Variants in MICAL3 observed in about 807,000 individuals in gnomAD.
MICAL3 encodes the protein microtubule associated monooxygenase, calponin and LIM domain containing 3.
A neutral mutation model predicts 207.4 loss-of-function variants in MICAL3; 62 were observed. That is an observed-to-expected ratio of 0.30 (90% CI 0.24 to 0.37). MICAL3 has a LOEUF of 0.37. Ranked by LOEUF, MICAL3 falls within the 10% of genes least tolerant of loss-of-function variation. The pLI, the probability that MICAL3 is intolerant of heterozygous loss-of-function variation, is 1.00. For missense variants in MICAL3, 2,368 were observed against 2,635.6 expected (o/e 0.90, Z 2.22); for synonymous variants, 1,077 against 1,069.3 (o/e 1.01, Z -0.14).
At chr22:18,021,221 G>T (rs554824603) in intron 1 of MICAL3, among the ~76,000 whole-genome samples, 15 of 152,334 alleles carry the variant, frequency 9.8e-5, no homozygotes, top group African/African-American at 3.6e-4. Context: ...AGGGGTAATA[G>T]AAATGAGATA....
chr22:17,864,969 C>A lies in MICAL3; in HGVS notation c.2535G>T (p.Leu845=), dbSNP rs779283756. 1 of 1,607,500 alleles carries A rather than the reference C, an allele frequency of 6.2e-7. No homozygotes were observed. Among genetic ancestry groups the A allele is most frequent in the East Asian group, 2.2e-5 (1 of 44,670 alleles). ...PLSGKEAKGP[L]QDGATTDANG... is the part of the protein sequence containing the mutation. ...TTGCATCTGTGGTGGCGCCATCCTGCAGGGGTCCTTTGGCCTCCTAGGAAA... is the reference window on the plus strand; with the variant it reads ...TTGCATCTGTGGTGGCGCCATCCTGAAGGGGTCCTTTGGCCTCCTAGGAAA... The change falls in exon 19 of 32, where the codon CTG becomes CTT. Residue 845 remains leucine, a synonymous_variant. Transcript: ENST00000441493.
intron 16 of MICAL3, among the ~76,000 whole-genome samples, chr22:17,872,443 G>T (rs1927817281): frequency 1.3e-5 from 2 of 151,994 alleles, no homozygotes; most frequent in East Asian, 1.9e-4. Flanking sequence ...ACACATGGAA[G>T]AAGGCAGGAA....
At chr22:17,922,024 C>T (rs1183068006) in intron 1 of MICAL3, among the ~76,000 whole-genome samples, 1 of 152,182 alleles carries the variant, frequency 6.6e-6, no homozygotes, top group African/African-American at 2.4e-5. Context: ...CGCCTCCTCA[C>T]CTTTGCCTAC....
chr22:18,005,988 G>T (rs1923361388), intron 1 of MICAL3: 1 of 152,170 alleles, frequency 6.6e-6, no homozygotes, highest in Non-Finnish European at 1.5e-5. Context: ...CCTGAACAAG[G>T]TGATTGTGAG....
chr22:17,806,454 A>G (rs1297506979), intron 29 of MICAL3, among the ~76,000 whole-genome samples: 1 of 146,942 alleles, frequency 6.8e-6, no homozygotes, highest in East Asian at 2.0e-4. Flanking sequence ...CAACTGTGGA[A>G]AAAAAAAAAA....
intron 27 of MICAL3, chr22:17,813,783 C>G (rs2062074211): frequency 6.6e-6 from 1 of 152,190 alleles, no homozygotes; most frequent in Admixed American, 6.5e-5. Context: ...GCCACAGGAG[C>G]TGACATTCTG....
intron 19 of MICAL3, among the ~76,000 whole-genome samples, chr22:17,854,450 C>G (rs896046011): frequency 1.3e-5 from 2 of 152,216 alleles, no homozygotes; most frequent in African/African-American, 4.8e-5. Context: ...CACGACCCTT[C>G]ACCGTGGCTG....
In MICAL3 at chr22:17,891,594, G is replaced by C; in HGVS notation, c.1585C>G (p.Gln529Glu). The change falls in exon 12 of 32, where the codon CAG becomes GAG. Residue 529 changes from glutamine (Q) to glutamate (E), a missense_variant. Gln to Glu is a conservative substitution (Grantham distance 29, BLOSUM62 2). Around this residue, in one of 4 missense-constraint regions of MICAL3, gnomAD observed 147 missense variants for 137.7 expected, o/e 1.07. Transcript: ENST00000441493. ...ARSSKLLGWCQRQTDGYAGVN... is the reference protein window; with the variant it reads ...ARSSKLLGWCERQTDGYAGVN... ...CCTGCATAGCCATCTGTCTGCCTCT[G>C]GCACCAACCCAGCAGTTTGCTTGAA... The C allele has an allele frequency of 6.2e-7, 1 of 1,613,944 alleles. No homozygotes were observed. The highest frequency in any genetic ancestry group is 8.5e-7 in the Non-Finnish European group (1 of 1,179,860).
chr22:17,865,599 G>A (rs929048571), intron 18 of MICAL3, among the ~76,000 whole-genome samples: 25 of 152,214 alleles, frequency 1.6e-4, no homozygotes, highest in African/African-American at 5.1e-4. Flanking sequence ...AACATGAGGC[G>A]GCATCACCCC....
At chr22:17,858,605 T>C in intron 19 of MICAL3, 1 of 270,020 alleles carries the variant, frequency 3.7e-6, no homozygotes, top group Non-Finnish European at 5.7e-6. Flanking sequence ...GAGTGGCCCA[T>C]TTTCACAGCC....
chr22:17,877,116 AGGGAGG>A, intron 16 of MICAL3, among the ~76,000 whole-genome samples: 1 of 148,572 alleles, frequency 6.7e-6, no homozygotes, highest in Non-Finnish European at 1.5e-5. Flanking sequence ...TATGGAGGTT[AGGGAGG>A]TTATGGAGGT....
At position 17,931,908 on chromosome 22, in the gene MICAL3, T is replaced by C. The variant is rs534904833; in HGVS notation, c.-74-25022A>G. The stretch of plus-strand genomic sequence containing the variant: ...CACATTATTTATTGAGTGCACAGTA[T>C]ATGTCAAGATCCGTGCTTGCAATTA... On this transcript the variant is annotated intron_variant, in intron 1 of 31. Transcript: ENST00000441493. 9.2e-5 allele frequency among the ~76,000 whole-genome samples: 14 copies of C among 152,334 alleles called. No individual in the cohort carries two copies. The East Asian group carries it at 2.5e-3, about 27-fold the overall frequency.
rs1458191489 is a variant in MICAL3 at position 17,948,881 on chromosome 22, C to T, written c.-74-41995G>A. On this transcript the variant is annotated intron_variant, in intron 1 of 31. Coordinates refer to ENST00000441493, the MANE Select transcript of MICAL3 (RefSeq NM_015241.3). ...TGAGCCAAGATCGTGCCACTGCACT[C>T]CAGCCTGGGTGACAAAGTGAGATGC... Among the ~76,000 whole-genome samples, 4 of 129,224 alleles carry T rather than the reference C, an allele frequency of 3.1e-5. No individual in the cohort carries two copies. The Admixed American group carries it at 3.6e-4, about 11-fold the overall frequency. 84.8% of individuals were successfully genotyped at this position (129,224 alleles called of 152,430 possible).
chr22:17,897,131 G>C (rs999730394), intron 7 of MICAL3, 150 bp from the exon 8 acceptor site: 39 of 805,302 alleles, frequency 4.8e-5, no homozygotes, highest in Non-Finnish European at 6.8e-5. Flanking sequence ...AAATGGGCGG[G>C]GGGAAAGGCA....
chr22:17,974,223 GTCTGCCCT>G (rs1935536699), intron 1 of MICAL3, among the ~76,000 whole-genome samples: 1 of 152,172 alleles, frequency 6.6e-6, no homozygotes. Context: ...CCACCCTGCT[GTCTGCCCT>G]GGGCCTGGCC....
chr22:17,834,523 C>T (rs1026855193), intron 20 of MICAL3: 9 of 1,222,340 alleles, frequency 7.4e-6, no homozygotes, highest in Non-Finnish European at 9.4e-6. Context: ...TGAGACCATC[C>T]TGGGCAACCA....
intron 1 of MICAL3, among the ~76,000 whole-genome samples, chr22:17,978,796 G>A (rs1395089269): frequency 6.6e-6 from 1 of 151,780 alleles, no homozygotes; most frequent in Non-Finnish European, 1.5e-5. Context: ...TGGGATTACA[G>A]GTGTGAGCCA....
At chr22:18,003,315 C>T (rs990350700) in intron 1 of MICAL3, among the ~76,000 whole-genome samples, 2 of 152,052 alleles carry the variant, frequency 1.3e-5, no homozygotes, top group Non-Finnish European at 2.9e-5. Context: ...ATGTGTGGGG[C>T]CCTCCACCTC....
At position 17,788,834 on chromosome 22, in the gene MICAL3, C is replaced by G. The variant is rs2061804939; in HGVS notation, c.*1898G>C. Reference sequence around the variant, plus strand: ...TTCAAGTTGAAGCACAGTGTGGTTCCCATGGAAAGCCCAAGGTCAGCACAG... The same window carrying G: ...TTCAAGTTGAAGCACAGTGTGGTTCGCATGGAAAGCCCAAGGTCAGCACAG... On this transcript the variant is annotated 3_prime_UTR_variant, in exon 32 of 32. Coordinates refer to ENST00000441493, the MANE Select transcript of MICAL3 (RefSeq NM_015241.3). 1 of 152,446 alleles carries G rather than the reference C, an allele frequency of 6.6e-6. No homozygotes were observed. Among genetic ancestry groups the G allele is most frequent in the African/African-American group, 2.4e-5 (1 of 41,484 alleles). 9.4% of individuals were successfully genotyped at this position (152,446 alleles called of 1,614,324 possible).
Sources: gnomAD v4.1 joint callset for allele counts (sites outside exome capture counted in the v4.1 genomes callset) on GRCh38, gnomAD v4.1.1 for gene constraint, gnomAD v4.1.1 regional missense constraint, MANE v1.5 for transcripts, NCBI Gene and HGNC (gene_info 2026-07-23, HGNC 2026-07-21) for gene names.